The following CSMD1 variants were observed in gnomAD, a reference collection of about 807,000 sequenced individuals.
CSMD1 encodes CUB and Sushi multiple domains 1, also known as CUB and sushi domain-containing protein 1.
CSMD1 carries 213 observed loss-of-function variants against 417.5 expected under a neutral mutation model. The observed-to-expected ratio is 0.51, with a 90% CI of 0.46 to 0.57. The LOEUF is 0.57. CSMD1 is among the 20% of genes least tolerant of loss of function. The probability of loss-of-function intolerance (pLI) is 0.00; values close to 1 mark genes in which losing one functional copy is unlikely to be tolerated. For missense variants in CSMD1, 6,923 were observed against 4,529.7 expected, an observed-to-expected ratio of 1.53 and a Z score of -15.17; for synonymous variants, 2,862 against 1,736.8, an observed-to-expected ratio of 1.65 and a Z score of -16.11.
At chr8:3,032,014 T>C (rs1272110081) in intron 50 of CSMD1, among the ~76,000 whole-genome samples, 2 of 151,324 alleles carry the variant, frequency 1.3e-5, no homozygotes, top group Admixed American at 6.6e-5. Context: ...TATATGTGTG[T>C]ATGCTTTGAA....
At chr8:3,913,164 G>T (rs982541951) in intron 5 of CSMD1, among the ~76,000 whole-genome samples, 2 of 152,110 alleles carry the variant, frequency 1.3e-5, no homozygotes, top group African/African-American at 4.8e-5. Flanking sequence ...TACATCGACA[G>T]GGAGATGTTG....
At chr8:4,174,293 T>C (rs570331123) in intron 3 of CSMD1, among the ~76,000 whole-genome samples, 1 of 152,262 alleles carries the variant, frequency 6.6e-6, no homozygotes, top group East Asian at 1.9e-4. Context: ...ATTTCATCAT[T>C]TTTAAAGGTC....
At chr8:3,177,925 G>A (rs1288246778) in intron 37 of CSMD1, among the ~76,000 whole-genome samples, 1 of 152,206 alleles carries the variant, frequency 6.6e-6, no homozygotes, top group Non-Finnish European at 1.5e-5. Flanking sequence ...CTTTAGAAAA[G>A]AACGCAGAAC....
At chr8:4,819,102 A>G (rs980453366) in intron 1 of CSMD1, among the ~76,000 whole-genome samples, 2 of 152,224 alleles carry the variant, frequency 1.3e-5, no homozygotes, top group African/African-American at 4.8e-5. Context: ...ACTTGCTGCT[A>G]TTCTATCGAA....
chr8:4,493,024 C>T (rs1305167664), intron 2 of CSMD1, among the ~76,000 whole-genome samples: 2 of 151,940 alleles, frequency 1.3e-5, no homozygotes, highest in East Asian at 1.9e-4. Context: ...AGAATAAAGG[C>T]CAAAAGAAAA....
intron 56 of CSMD1, among the ~76,000 whole-genome samples, chr8:2,973,680 G>C (rs1368893234): frequency 1.3e-5 from 2 of 149,954 alleles, no homozygotes; most frequent in Admixed American, 6.6e-5. Context: ...AAAAAAAAAA[G>C]TCAAAGGAGA....
chr8:4,748,034 G>C (rs1039596225), intron 1 of CSMD1, among the ~76,000 whole-genome samples: 1 of 152,158 alleles, frequency 6.6e-6, no homozygotes, highest in African/African-American at 2.4e-5. Context: ...ACTCTATGTA[G>C]AAGTAGAAAT....
At chr8:3,935,175 T>C (rs1452805321) in intron 5 of CSMD1, among the ~76,000 whole-genome samples, 1 of 152,134 alleles carries the variant, frequency 6.6e-6, no homozygotes, top group African/African-American at 2.4e-5. Flanking sequence ...CCACGACTCG[T>C]CTCCAAGAAA....
At chr8:3,273,141 A>C (rs1801998032) in intron 26 of CSMD1, among the ~76,000 whole-genome samples, 1 of 151,492 alleles carries the variant, frequency 6.6e-6, no homozygotes, top group East Asian at 1.9e-4. Flanking sequence ...TTTAGTATGA[A>C]AGGTTGTTGA....
chr8:3,374,655 G>A (rs983641820), intron 18 of CSMD1, among the ~76,000 whole-genome samples: 4 of 152,080 alleles, frequency 2.6e-5, no homozygotes, highest in Non-Finnish European at 4.4e-5. Context: ...ATACAAGGTC[G>A]GAGGAAATGC....
intron 2 of CSMD1, among the ~76,000 whole-genome samples, chr8:4,568,299 G>A (rs1227129917): frequency 6.6e-6 from 1 of 151,914 alleles, no homozygotes; most frequent in Admixed American, 6.6e-5. Flanking sequence ...CCACCCGAAA[G>A]GCCCGTCTAT....
chr8:4,777,621 A>G (rs1255881220), intron 1 of CSMD1, among the ~76,000 whole-genome samples: 1 of 152,210 alleles, frequency 6.6e-6, no homozygotes, highest in Non-Finnish European at 1.5e-5. Flanking sequence ...GATTGTTTTT[A>G]GAGAATTTGC....
At chr8:4,812,902 C>T (rs998083466) in intron 1 of CSMD1, among the ~76,000 whole-genome samples, 5 of 152,102 alleles carry the variant, frequency 3.3e-5, no homozygotes, top group South Asian at 2.1e-4. Context: ...GGTAATATTG[C>T]TTGTATCAGT....
chr8:3,799,815 C>T (rs1275348660), intron 5 of CSMD1, among the ~76,000 whole-genome samples: 1 of 152,052 alleles, frequency 6.6e-6, no homozygotes, highest in Admixed American at 6.6e-5. Context: ...TATTACAAAT[C>T]TCTAATCTAA....
intron 2 of CSMD1, among the ~76,000 whole-genome samples, chr8:4,551,854 A>ATTT (rs776721276): frequency 0.11 from 15,567 of 139,240 alleles, 1,020 homozygotes; most frequent in Non-Finnish European, 0.15. Context: ...AATTTTTTGT[A>ATTT]TTTTTTTTTT....
At chr8:3,736,473 G>C (rs958495192) in intron 6 of CSMD1, among the ~76,000 whole-genome samples, 8 of 152,034 alleles carry the variant, frequency 5.3e-5, no homozygotes, top group Admixed American at 1.3e-4. Context: ...TCGAAATCTT[G>C]GGCTGAAGTG....
chr8:4,705,832 G>GCTGCAT (rs1807901515), intron 1 of CSMD1, among the ~76,000 whole-genome samples: 1 of 152,108 alleles, frequency 6.6e-6, no homozygotes, highest in South Asian at 2.1e-4. Flanking sequence ...CTATGAGCCA[G>GCTGCAT]CTGCATCTGA....
chr8:3,305,964 G>A (rs1161738022), intron 25 of CSMD1, among the ~76,000 whole-genome samples: 1 of 152,144 alleles, frequency 6.6e-6, no homozygotes, highest in Non-Finnish European at 1.5e-5. Context: ...ACAGGCATGA[G>A]CCACTGCACC....
Position 4,170,294 on chromosome 8 carries a change from C to A in CSMD1, c.416-138195G>T, listed in dbSNP as rs554596203. Among the ~76,000 whole-genome samples the A allele has an allele frequency of 3.6e-4, 55 of 151,964 alleles. 1 individual carries two copies. In the South Asian group the frequency reaches 0.011, roughly 31 times the overall value. ...CTTGGGTAGAGTCTATGAATTTAAG[C>A]ATTTGCGTCTCAATGATATAAAAAG... On this transcript the variant is annotated intron_variant, in intron 3 of 69. Coordinates refer to ENST00000635120, the MANE Select transcript of CSMD1 (RefSeq NM_033225.6).
Sources: gnomAD v4.1 joint callset for allele counts (sites outside exome capture counted in the v4.1 genomes callset) on GRCh38, gnomAD v4.1.1 for gene constraint, MANE v1.5 for transcripts, NCBI Gene and HGNC (gene_info 2026-07-23, HGNC 2026-07-21) for gene names.